The following SGK3 variants were observed in gnomAD, a reference collection of about 807,000 sequenced individuals.
The protein encoded by SGK3 is serum/glucocorticoid regulated kinase family member 3, also known as serine/threonine-protein kinase Sgk3.
Under a neutral mutation model 68.5 loss-of-function variants are expected in SGK3, and 47 were observed. That is an observed-to-expected ratio of 0.69 (90% CI 0.54 to 0.87). The LOEUF (loss-of-function observed/expected upper bound fraction) is 0.87. Among genes scored for constraint, SGK3 ranks in the 40% least tolerant of loss-of-function variants. The pLI is 0.00. For missense variants in SGK3, 479 were observed against 575.5 expected (o/e 0.83, Z 1.72); for synonymous variants, 181 against 189.1 (o/e 0.96, Z 0.35).
intron 1 of SGK3, among the ~76,000 whole-genome samples, chr8:66,761,241 C>T (rs1273145160): frequency 3.3e-5 from 5 of 152,088 alleles, no homozygotes; most frequent in Non-Finnish European, 4.4e-5. Context: ...GCCTCCTGAA[C>T]AGCTGGGACT....
At chr8:66,828,504 A>G (rs1054400545) in intron 6 of SGK3, 150 bp from the exon 7 acceptor site, 21 of 952,620 alleles carry the variant, frequency 2.2e-5, no homozygotes, top group South Asian at 6.5e-5. Flanking sequence ...AAGTAAGTCT[A>G]TACCCTTACT....
chr8:66,859,888 T>C lies in SGK3; in HGVS notation c.*307T>C, dbSNP rs1810688104. The stretch of plus-strand genomic sequence containing the variant: ...CTATTGACTGTTTTTTCCCTCTAAG[T>C]TTACACTAACATCTACCCAAGATAG... On this transcript the variant is annotated 3_prime_UTR_variant, in exon 17 of 17. Coordinates refer to ENST00000521198, the MANE Select transcript of SGK3 (RefSeq NM_001033578.3). 9.4e-6 allele frequency: 2 copies of C among 213,144 alleles called. No homozygotes were observed. The highest frequency in any genetic ancestry group is 2.0e-4 in the South Asian group (2 of 9,894). 13.2% of individuals were successfully genotyped at this position (213,144 alleles called of 1,614,324 possible).
chr8:66,746,171 G>A (rs573011394), intron 1 of SGK3, among the ~76,000 whole-genome samples: 1 of 152,100 alleles, frequency 6.6e-6, no homozygotes, highest in African/African-American at 2.4e-5. Flanking sequence ...CTGCAGATTA[G>A]GTTAGCTCAT....
intron 5 of SGK3, among the ~76,000 whole-genome samples, chr8:66,820,598 ACT>A (rs1041414038): frequency 1.3e-5 from 2 of 151,926 alleles, no homozygotes; most frequent in African/African-American, 2.4e-5. Context: ...TCATAAGGTA[ACT>A]CTGTGTTTAA....
intron 1 of SGK3, among the ~76,000 whole-genome samples, chr8:66,729,735 TTTTA>T (rs1554592142): frequency 2.7e-5 from 4 of 150,906 alleles, no homozygotes; most frequent in Admixed American, 6.6e-5. Context: ...ATTTATTTAT[TTTTA>T]TTTATTTATT....
chr8:66,792,539 A>T (rs1179488724), intron 1 of SGK3, among the ~76,000 whole-genome samples: 1 of 152,128 alleles, frequency 6.6e-6, no homozygotes, highest in Non-Finnish European at 1.5e-5. Context: ...TGACTTCCTG[A>T]AACTAAACAT....
chr8:66,789,289 T>G (rs1264624596), intron 1 of SGK3, among the ~76,000 whole-genome samples: 1 of 152,224 alleles, frequency 6.6e-6, no homozygotes, highest in Non-Finnish European at 1.5e-5. Flanking sequence ...TTAACACCCC[T>G]GCATCCTTTC....
At chr8:66,799,911 A>G (rs913332575) in intron 3 of SGK3, among the ~76,000 whole-genome samples, 1 of 152,238 alleles carries the variant, frequency 6.6e-6, no homozygotes, top group African/African-American at 2.4e-5. Flanking sequence ...GGCATGAGCC[A>G]CTGCCCTTGG....
chr8:66,831,263 A>G lies in SGK3; in HGVS notation c.477A>G (p.Pro159=), dbSNP rs1255752303. ...LGPSGNPHAK[P]TDFDFLKVIG... is the part of the protein sequence containing the mutation. ...TGTTAATTTATTTCAGTGCCAAACC[A>G]ACTGACTTTGATTTCTTAAAAGTTA... Residue 159 remains proline (P), a synonymous_variant, in exon 8 of 17, where the codon CCA becomes CCG. Transcript: ENST00000521198. The G allele has an allele frequency of 1.9e-6, 3 of 1,614,026 alleles. No homozygotes were observed. Among genetic ancestry groups the G allele is most frequent in the Non-Finnish European group, 2.5e-6 (3 of 1,180,000 alleles).
chr8:66,802,720 G>C lies in SGK3; in HGVS notation c.181-1655G>C, dbSNP rs529772900. The stretch of plus-strand genomic sequence containing the variant: ...AGGGGATGGGGAGGGAAGGGGAGGG[G>C]GCGAAGGAAGGAAGGAAGGCAGGTA... On this transcript the variant is annotated intron_variant, in intron 3 of 16. Transcript: ENST00000521198. 5.2e-4 allele frequency among the ~76,000 whole-genome samples: 78 copies of C among 150,842 alleles called. 1 individual carries two copies. The highest frequency in any genetic ancestry group is 1.5e-3 in the African/African-American group (63 of 41,092).
intron 7 of SGK3, 84 bp downstream of exon 7, chr8:66,828,787 C>T: frequency 6.6e-7 from 1 of 1,506,076 alleles, no homozygotes; most frequent in East Asian, 2.3e-5. Flanking sequence ...TATAATTACA[C>T]TAATTTAACT....
chr8:66,757,442 A>G (rs564754153), intron 1 of SGK3, among the ~76,000 whole-genome samples: 1 of 151,990 alleles, frequency 6.6e-6, no homozygotes, highest in African/African-American at 2.4e-5. Context: ...CCTGGCCCTC[A>G]GTCCCCATTT....
intron 1 of SGK3, among the ~76,000 whole-genome samples, chr8:66,782,631 C>T (rs182730810): frequency 1.1e-3 from 169 of 152,294 alleles, no homozygotes; most frequent in African/African-American, 3.8e-3. Context: ...GCCTAGTCAT[C>T]GTTTCACCCT....
intron 10 of SGK3, among the ~76,000 whole-genome samples, chr8:66,838,698 G>A (rs1809642728): frequency 6.6e-6 from 1 of 152,108 alleles, no homozygotes; most frequent in South Asian, 2.1e-4. Flanking sequence ...AATGAAAAAA[G>A]GAGAATAAAA....
chr8:66,795,052 T>C (rs1585726709), intron 2 of SGK3, among the ~76,000 whole-genome samples: 1 of 152,184 alleles, frequency 6.6e-6, no homozygotes, highest in African/African-American at 2.4e-5. Flanking sequence ...GGCTCAGTGA[T>C]CCACCCCAGC....
chr8:66,742,337 G>T (rs761320837), intron 1 of SGK3, among the ~76,000 whole-genome samples: 1 of 151,904 alleles, frequency 6.6e-6, no homozygotes, highest in Non-Finnish European at 1.5e-5. Flanking sequence ...TTCATTTCTA[G>T]TCACATGTTA....
chr8:66,786,560 A>G (rs1311780475), intron 1 of SGK3, among the ~76,000 whole-genome samples: 6 of 152,196 alleles, frequency 3.9e-5, no homozygotes, highest in Non-Finnish European at 7.3e-5. Context: ...GCACATAGAG[A>G]TTTTGGAGTT....
At chr8:66,816,006 A>T (rs1393069542) in intron 5 of SGK3, among the ~76,000 whole-genome samples, 5 of 151,964 alleles carry the variant, frequency 3.3e-5, no homozygotes, top group Admixed American at 2.6e-4. Context: ...TTTTAAACTT[A>T]ATTTTTTTTT....
At chr8:66,723,131 ATTTT>A (rs1177940065) in intron 1 of SGK3, among the ~76,000 whole-genome samples, 269 of 29,324 alleles carry the variant, frequency 9.2e-3, no homozygotes, top group Middle Eastern at 0.071. Flanking sequence ...ATATATATAT[ATTTT>A]TTTTTTTTTT....
Sources: allele counts gnomAD v4.1 joint callset (sites outside exome capture counted in the v4.1 genomes callset), GRCh38; gene constraint gnomAD v4.1.1; transcripts MANE v1.5; gene names NCBI Gene and HGNC (gene_info 2026-07-23, HGNC 2026-07-21).